Variants in SAMMSON observed in about 807,000 individuals in gnomAD.
SAMMSON encodes survival associated mitochondrial melanoma specific oncogenic non-coding RNA, also known as long intergenic non-protein coding RNA 1212.
intron 4 of SAMMSON, among the ~76,000 whole-genome samples, chr3:70,217,783 T>C (rs545595651): frequency 6.6e-6 from 1 of 152,158 alleles, no homozygotes; most frequent in African/African-American, 2.4e-5. Context: ...TACTGAATGA[T>C]CATTGAACCT....
intron 3 of SAMMSON, among the ~76,000 whole-genome samples, chr3:70,059,528 G>A (rs73836034): frequency 0.018 from 2,759 of 152,164 alleles, 83 homozygotes; most frequent in African/African-American, 0.061. Context: ...ACACCTGAAA[G>A]TCAGGAGCAC....
At chr3:70,014,524 T>G (rs2107578286) in intron 3 of SAMMSON, 1 of 152,342 alleles carries the variant, frequency 6.6e-6, no homozygotes, top group Non-Finnish European at 1.5e-5. Flanking sequence ...TTTAGCCAAG[T>G]TCACACATTT....
In SAMMSON at chr3:70,402,681, G is replaced by T. The variant is rs1368769689; in HGVS notation, n.233+44357G>T. On this transcript the variant is annotated intron_variant and non_coding_transcript_variant, in intron 2 of 3. Transcript: ENST00000641053. ...GTTCAAGACCAGCCTGGCCAACATGGTAAAACCTCACCTCTACTAAAAATA... is the reference window on the plus strand; with the variant it reads ...GTTCAAGACCAGCCTGGCCAACATGTTAAAACCTCACCTCTACTAAAAATA... Among the ~76,000 whole-genome samples, 2 of 152,010 alleles carry T rather than the reference G, an allele frequency of 1.3e-5. 1 individual carries two copies. The highest frequency in any genetic ancestry group is 3.9e-4 in the East Asian group (2 of 5,178).
chr3:70,354,714 A>C (rs1160587799), intron 8 of SAMMSON, among the ~76,000 whole-genome samples: 2 of 152,202 alleles, frequency 1.3e-5, no homozygotes, highest in Non-Finnish European at 2.9e-5. Flanking sequence ...CATGGCAGGA[A>C]GGCCCAGACT....
chr3:70,111,013 G>C (rs1576124510), intron 4 of SAMMSON, among the ~76,000 whole-genome samples: 2 of 152,214 alleles, frequency 1.3e-5, no homozygotes, highest in African/African-American at 4.8e-5. Context: ...TCCTCATTAG[G>C]TCAATTATTA....
At chr3:70,404,914 A>G (rs2106765031) in intron 2 of SAMMSON, among the ~76,000 whole-genome samples, 1 of 152,306 alleles carries the variant, frequency 6.6e-6, no homozygotes, top group Middle Eastern at 3.4e-3. Context: ...AAGAATCTCC[A>G]AAAATCTGCA....
At chr3:70,347,150 G>C (rs1702758457) in intron 7 of SAMMSON, among the ~76,000 whole-genome samples, 3 of 152,176 alleles carry the variant, frequency 2.0e-5, no homozygotes, top group African/African-American at 7.2e-5. Flanking sequence ...ACCAGACTAA[G>C]ATAACACAGG....
chr3:70,233,628 T>G (rs992314180), intron 4 of SAMMSON, among the ~76,000 whole-genome samples: 1 of 152,206 alleles, frequency 6.6e-6, no homozygotes, highest in Admixed American at 6.5e-5. Context: ...AGAGTTTCCC[T>G]ATGTCCTTTT....
At chr3:70,140,743 C>G (rs1040137764) in intron 4 of SAMMSON, among the ~76,000 whole-genome samples, 1 of 152,168 alleles carries the variant, frequency 6.6e-6, no homozygotes, top group Non-Finnish European at 1.5e-5. Flanking sequence ...CCACAAAACA[C>G]TAGAACATGA....
chr3:70,413,859 A>C (rs1193256646), intron 2 of SAMMSON, among the ~76,000 whole-genome samples: 1 of 152,144 alleles, frequency 6.6e-6, no homozygotes, highest in East Asian at 1.9e-4. Flanking sequence ...TGCCATTATT[A>C]GTTTGCAGTC....
chr3:70,234,372 G>A (rs1261444851), intron 4 of SAMMSON, among the ~76,000 whole-genome samples: 2 of 152,206 alleles, frequency 1.3e-5, no homozygotes, highest in African/African-American at 4.8e-5. Context: ...TGCTAGGCTA[G>A]GCACAGTGGC....
At chr3:70,033,218 T>G (rs2067072126) in intron 3 of SAMMSON, among the ~76,000 whole-genome samples, 1 of 152,196 alleles carries the variant, frequency 6.6e-6, no homozygotes, top group Non-Finnish European at 1.5e-5. Context: ...TTACTTTTCC[T>G]TCTTCCCTTT....
intron 4 of SAMMSON, among the ~76,000 whole-genome samples, chr3:70,121,237 C>T (rs2067431964): frequency 2.0e-5 from 3 of 152,190 alleles, no homozygotes; most frequent in Admixed American, 2.0e-4. Flanking sequence ...CTCCACTTGC[C>T]AGCTCACCTC....
chr3:70,403,246 A>G (rs891811623), intron 2 of SAMMSON, among the ~76,000 whole-genome samples: 1 of 152,160 alleles, frequency 6.6e-6, no homozygotes, highest in African/African-American at 2.4e-5. Flanking sequence ...GCCTCAGTTT[A>G]CAGCAGGGAA....
At chr3:70,342,381 T>C (rs561744310) in intron 7 of SAMMSON, among the ~76,000 whole-genome samples, 10 of 152,312 alleles carry the variant, frequency 6.6e-5, no homozygotes, top group Non-Finnish European at 1.3e-4. Context: ...TTTTGAAAGC[T>C]TCTGTATCTT....
At chr3:70,000,909 C>T (rs1423854494) in intron 1 of SAMMSON, among the ~76,000 whole-genome samples, 1 of 152,186 alleles carries the variant, frequency 6.6e-6, no homozygotes, top group African/African-American at 2.4e-5. Context: ...AGCGTGATGA[C>T]CAAATAACCC....
chr3:70,025,533 G>A (rs373533534), intron 3 of SAMMSON, among the ~76,000 whole-genome samples: 9 of 152,156 alleles, frequency 5.9e-5, no homozygotes, highest in Admixed American at 1.3e-4. Context: ...ATGAGCCACC[G>A]TGCCTAGCCT....
At chr3:70,006,749 C>A (rs2066928260) in intron 1 of SAMMSON, among the ~76,000 whole-genome samples, 1 of 151,448 alleles carries the variant, frequency 6.6e-6, no homozygotes, top group African/African-American at 2.4e-5. Context: ...TGTTGGTGTG[C>A]TGCACCCATT....
chr3:70,404,146 T>G (rs1332518446), intron 2 of SAMMSON, among the ~76,000 whole-genome samples: 1 of 152,144 alleles, frequency 6.6e-6, no homozygotes, highest in East Asian at 1.9e-4. Flanking sequence ...TAATTTAGCA[T>G]GACATTGTCA....
Sources: allele counts gnomAD v4.1 joint callset (sites outside exome capture counted in the v4.1 genomes callset), GRCh38; gene constraint gnomAD v4.1.1; transcripts MANE v1.5; gene names NCBI Gene and HGNC (gene_info 2026-07-23, HGNC 2026-07-21).